REDIC1: variants seen among roughly 807,000 people sequenced by gnomAD.
The protein encoded by REDIC1 is regulator of DNA class I crossover intermediates 1.
chr12:39,754,067 C>CTGTT, the REDIC1 span, among the ~76,000 whole-genome samples: 1 of 152,128 alleles, frequency 6.6e-6, no homozygotes, highest in East Asian at 1.9e-4. Context: ...CAATTTCTTT[C>CTGTT]TGTTTTTAAT....
the REDIC1 span, among the ~76,000 whole-genome samples, chr12:39,712,830 T>A: frequency 5.9e-3 from 835 of 141,716 alleles, 29 homozygotes; most frequent in Admixed American, 0.053. Context: ...TGTGTATGTA[T>A]ATACATATAC....
At chr12:39,820,141 T>C in the REDIC1 span, among the ~76,000 whole-genome samples, 7 of 152,250 alleles carry the variant, frequency 4.6e-5, no homozygotes, top group South Asian at 1.2e-3. Context: ...AAAAAAAATG[T>C]AATTTTTGGA....
At chr12:39,733,447 G>GT in the REDIC1 span, among the ~76,000 whole-genome samples, 2 of 151,420 alleles carry the variant, frequency 1.3e-5, no homozygotes, top group Non-Finnish European at 3.0e-5. Flanking sequence ...TTCAACGTTT[G>GT]TTTTTTTCCT....
chr12:39,686,184 G>A, the REDIC1 span, among the ~76,000 whole-genome samples: 1 of 152,212 alleles, frequency 6.6e-6, no homozygotes, highest in Non-Finnish European at 1.5e-5. Flanking sequence ...CCACTAGGCA[G>A]TGCCCCATTG....
the REDIC1 span, chr12:39,683,170 C>A: frequency 9.8e-6 from 15 of 1,534,078 alleles, no homozygotes; most frequent in East Asian, 3.4e-4. Flanking sequence ...AATGTAATTA[C>A]ATATTCTTTT....
chr12:39,850,976 T>C, the REDIC1 span, among the ~76,000 whole-genome samples: 1 of 151,996 alleles, frequency 6.6e-6, no homozygotes, highest in African/African-American at 2.4e-5. Context: ...TTCAGCTCAC[T>C]GCAACCTCTA....
chr12:39,734,169 C>T, the REDIC1 span, among the ~76,000 whole-genome samples: 5 of 152,178 alleles, frequency 3.3e-5, no homozygotes, highest in Admixed American at 2.6e-4. Flanking sequence ...AGGGAGTTCC[C>T]AGACCCTTTG....
At chr12:39,713,755 A>G in the REDIC1 span, among the ~76,000 whole-genome samples, 2 of 149,366 alleles carry the variant, frequency 1.3e-5, no homozygotes, top group Non-Finnish European at 3.0e-5. Context: ...ATATACATGT[A>G]TACACGTATA....
chr12:39,858,504 T>C, the REDIC1 span, among the ~76,000 whole-genome samples: 1 of 152,254 alleles, frequency 6.6e-6, no homozygotes, highest in African/African-American at 2.4e-5. Flanking sequence ...CATAATATTA[T>C]ATTCACTGTC....
At chr12:39,840,441 T>G in the REDIC1 span, among the ~76,000 whole-genome samples, 9 of 152,014 alleles carry the variant, frequency 5.9e-5, no homozygotes, top group African/African-American at 2.2e-4. Context: ...AAAATCATAC[T>G]CCTTTTATGG....
At chr12:39,839,056 C>A in the REDIC1 span, among the ~76,000 whole-genome samples, 1 of 152,050 alleles carries the variant, frequency 6.6e-6, no homozygotes, top group African/African-American at 2.4e-5. Context: ...TGAATTGACA[C>A]CTATTTTGTG....
At chr12:39,693,577 A>T in the REDIC1 span, among the ~76,000 whole-genome samples, 9 of 152,110 alleles carry the variant, frequency 5.9e-5, no homozygotes, top group African/African-American at 2.2e-4. Context: ...AAGTGAATTT[A>T]TTTATTTAAT....
At chr12:39,882,995 T>C in the REDIC1 span, among the ~76,000 whole-genome samples, 1 of 152,180 alleles carries the variant, frequency 6.6e-6, no homozygotes, top group Non-Finnish European at 1.5e-5. Context: ...TTTAGGCGCT[T>C]AGTGTTTATT....
At chr12:39,751,215 A>G in the REDIC1 span, among the ~76,000 whole-genome samples, 1 of 152,240 alleles carries the variant, frequency 6.6e-6, no homozygotes, top group African/African-American at 2.4e-5. Flanking sequence ...CAAATTTACA[A>G]GGAAAAAACA....
the REDIC1 span, among the ~76,000 whole-genome samples, chr12:39,859,206 G>C: frequency 2.0e-5 from 3 of 148,246 alleles, no homozygotes; most frequent in African/African-American, 5.0e-5. Flanking sequence ...TCACTATACA[G>C]AAAAAGAACC....
At chr12:39,854,952 T>A in the REDIC1 span, among the ~76,000 whole-genome samples, 1 of 152,206 alleles carries the variant, frequency 6.6e-6, no homozygotes, top group Non-Finnish European at 1.5e-5. Context: ...GTCCTTAATA[T>A]GGGGCCTGTA....
At chr12:39,704,162 G>T in the REDIC1 span, among the ~76,000 whole-genome samples, 1 of 151,054 alleles carries the variant, frequency 6.6e-6, no homozygotes, top group Non-Finnish European at 1.5e-5. Flanking sequence ...GAAAATTTTC[G>T]CATCCTACTC....
the REDIC1 span, among the ~76,000 whole-genome samples, chr12:39,718,535 G>T: frequency 6.6e-6 from 1 of 152,220 alleles, no homozygotes; most frequent in Non-Finnish European, 1.5e-5. Flanking sequence ...ACTTGAGGGT[G>T]AGCAGCTTTA....
the REDIC1 span, among the ~76,000 whole-genome samples, chr12:39,739,158 C>G: frequency 1.3e-5 from 2 of 152,222 alleles, no homozygotes; most frequent in Non-Finnish European, 2.9e-5. Context: ...TAGATAAGAT[C>G]ATGGTATTGA....
Sources: allele counts gnomAD v4.1 joint callset (sites outside exome capture counted in the v4.1 genomes callset), GRCh38; gene constraint gnomAD v4.1.1; transcripts MANE v1.5; gene names NCBI Gene and HGNC (gene_info 2026-07-23, HGNC 2026-07-21).